The following PUM3 variants were observed in gnomAD, a reference collection of about 807,000 sequenced individuals.
PUM3 encodes the protein pumilio RNA binding family member 3.
Under a neutral mutation model 84.0 loss-of-function variants are expected in PUM3, and 91 were observed. The observed-to-expected ratio is 1.08, with a 90% CI of 0.91 to 1.29. The LOEUF is 1.29. PUM3 is among the 50% of genes most tolerant of loss of function. The pLI is 0.00. For missense variants in PUM3, 1,067 were observed against 767.5 expected, an observed-to-expected ratio of 1.39 and a Z score of -4.61; for synonymous variants, 321 against 266.7, an observed-to-expected ratio of 1.20 and a Z score of -1.98.
intron 15 of PUM3, among the ~76,000 whole-genome samples, chr9:2,810,684 C>T (rs1320664480): frequency 6.6e-6 from 1 of 152,222 alleles, no homozygotes; most frequent in Non-Finnish European, 1.5e-5. Context: ...GTCTCCGCTT[C>T]ATTTAATCTG....
chr9:2,843,569 CCTT>C (rs1481677024), intron 1 of PUM3, among the ~76,000 whole-genome samples: 7 of 148,838 alleles, frequency 4.7e-5, no homozygotes, highest in Admixed American at 2.0e-4. Flanking sequence ...GGAGTCCCGC[CCTT>C]CTTTTTTTTT....
At chr9:2,824,190 T>A (rs1815744635) in intron 11 of PUM3, among the ~76,000 whole-genome samples, 1 of 152,170 alleles carries the variant, frequency 6.6e-6, no homozygotes, top group African/African-American at 2.4e-5. Flanking sequence ...ATTTGTTGAA[T>A]AAAATTAAAT....
chr9:2,810,648 T>G (rs930096757), intron 15 of PUM3, among the ~76,000 whole-genome samples: 2 of 152,186 alleles, frequency 1.3e-5, no homozygotes, highest in African/African-American at 2.4e-5. Context: ...TTATGCCAGA[T>G]AACACAGCCA....
chr9:2,821,240 C>A (rs1238112290), intron 12 of PUM3, among the ~76,000 whole-genome samples: 1 of 151,904 alleles, frequency 6.6e-6, no homozygotes, highest in East Asian at 1.9e-4. Flanking sequence ...GTCAGGAGAT[C>A]GAGACCATCC....
chr9:2,818,788 C>T (rs1243842772), intron 13 of PUM3, among the ~76,000 whole-genome samples: 1 of 152,166 alleles, frequency 6.6e-6, no homozygotes, highest in African/African-American at 2.4e-5. Context: ...TGGAAAATGA[C>T]AGCAAGGGCA....
chr9:2,807,695 T>G (rs1329815965), intron 17 of PUM3, 119 bp downstream of exon 17: 1 of 627,932 alleles, frequency 1.6e-6, no homozygotes, highest in African/African-American at 1.9e-5. Context: ...AGACCATGAG[T>G]GACTGGGAGT....
chr9:2,809,800 G>A (rs1484530341), intron 16 of PUM3, among the ~76,000 whole-genome samples: 4 of 152,190 alleles, frequency 2.6e-5, no homozygotes, highest in African/African-American at 9.6e-5. Flanking sequence ...CAGAGCAGCT[G>A]TAAGGCTTAC....
chr9:2,828,738 T>C lies in PUM3; in HGVS notation c.893A>G (p.Gln298Arg), dbSNP rs537493626. ...CATAATAAGTTCTAATTTTTCTGGCTGTACCTCTAACACTTTGTCCAGAGT... is the reference window on the plus strand; with the variant it reads ...CATAATAAGTTCTAATTTTTCTGGCCGTACCTCTAACACTTTGTCCAGAGT... ...HRTLDKVLEV[Q>R]PEKLELIMDE... is the part of the protein sequence containing the mutation. The change falls in exon 9 of 18, where the codon CAG (glutamine) becomes CGG (arginine). Residue 298 changes from glutamine to arginine, a missense_variant. Coordinates refer to ENST00000397885, the MANE Select transcript of PUM3 (RefSeq NM_014878.5). The C allele has an allele frequency of 9.4e-5, 151 of 1,609,410 alleles. 1 individual carries two copies. The South Asian group carries it at 1.6e-3, about 17-fold the overall frequency.
At chr9:2,843,779 C>A (rs921670062) in intron 1 of PUM3, among the ~76,000 whole-genome samples, 7 of 151,806 alleles carry the variant, frequency 4.6e-5, no homozygotes, top group Non-Finnish European at 1.5e-5. Context: ...GGGGTTTCAC[C>A]GTGTTAGCCA....
chr9:2,822,016 G>A (rs755695734), intron 12 of PUM3, among the ~76,000 whole-genome samples: 6 of 152,096 alleles, frequency 3.9e-5, no homozygotes, highest in Non-Finnish European at 5.9e-5. Flanking sequence ...ATAGAACAAC[G>A]TGCCTAGTAC....
At chr9:2,822,831 A>AGATTATAAAAAATAT (rs1364907467) in intron 12 of PUM3, among the ~76,000 whole-genome samples, 1 of 150,620 alleles carries the variant, frequency 6.6e-6, no homozygotes, top group East Asian at 1.9e-4. Flanking sequence ...AAAAAATATG[A>AGATTATAAAAAATAT]GAATTCCATA....
At chr9:2,824,908 G>C (rs1815769190) in intron 10 of PUM3, 93 bp from the exon 11 acceptor site, 2 of 754,700 alleles carry the variant, frequency 2.7e-6, no homozygotes, top group Middle Eastern at 2.5e-4. Flanking sequence ...GTTATGCAGA[G>C]AGAAGGAAAG....
rs1229043035 is a variant in PUM3, at chr9:2,838,416, C to A, written c.82+10G>T. On this transcript the variant is annotated intron_variant, in intron 2 of 17. Coordinates refer to ENST00000397885, the MANE Select transcript of PUM3 (RefSeq NM_014878.5). ...AACAGCCAAACACCCACATGGGAAG[C>A]ATATCTTACCACTATTTTTATGAAA... The A allele has an allele frequency of 5.7e-6, 9 of 1,576,690 alleles. No individual in the cohort carries two copies. The South Asian group carries it at 8.9e-5, about 16-fold the overall frequency.
At chr9:2,835,637 C>T (rs772607273) in intron 3 of PUM3, among the ~76,000 whole-genome samples, 16 of 152,056 alleles carry the variant, frequency 1.1e-4, no homozygotes, top group Non-Finnish European at 2.2e-4. Context: ...AATATGGTAT[C>T]CTCTACTATA....
rs61273479 is a variant in PUM3, at chr9:2,812,127, G to C, written c.1412+93C>G. On this transcript the variant is annotated intron_variant, in intron 14 of 17. Transcript: ENST00000397885. ...AATTCACCTTTTCAGCAGTTTTAGA[G>C]AGGGTATGGATGGGTAAGTGGACTT... is the stretch of plus-strand genomic sequence containing the variant. The C allele has an allele frequency of 2.3e-3, 2,348 of 1,020,508 alleles. 33 individuals are homozygous for C. In the African/African-American group the frequency reaches 0.034, roughly 15 times the overall value. 63.2% of individuals were successfully genotyped at this position (1,020,508 alleles called of 1,614,324 possible). A position where few individuals can be genotyped will look rare whatever the true frequency, so the allele number is the denominator to read the frequency against.
At chr9:2,812,436 C>T (rs759508894) in intron 13 of PUM3, 74 bp from the exon 14 acceptor site, 11 of 1,016,490 alleles carry the variant, frequency 1.1e-5, no homozygotes, top group Non-Finnish European at 1.4e-5. Flanking sequence ...ACCTTTCTTC[C>T]ATATTTGCCA....
intron 1 of PUM3, among the ~76,000 whole-genome samples, chr9:2,843,283 T>C (rs1816316099): frequency 6.6e-6 from 1 of 152,140 alleles, no homozygotes; most frequent in Non-Finnish European, 1.5e-5. Flanking sequence ...CTCAGGAACT[T>C]AGCCCATTAT....
At chr9:2,835,198 A>G (rs1463086111) in intron 3 of PUM3, among the ~76,000 whole-genome samples, 1 of 152,184 alleles carries the variant, frequency 6.6e-6, no homozygotes, top group African/African-American at 2.4e-5. Context: ...GAATCATTTG[A>G]GGCCAGGAGT....
chr9:2,838,631 T>C, intron 1 of PUM3, 114 bp from the exon 2 acceptor site: 2 of 662,590 alleles, frequency 3.0e-6, no homozygotes, highest in Non-Finnish European at 5.4e-6. Flanking sequence ...ACAATACAAA[T>C]CAGCCAGATA....
Sources: gnomAD v4.1 joint callset for allele counts (sites outside exome capture counted in the v4.1 genomes callset) on GRCh38, gnomAD v4.1.1 for gene constraint, MANE v1.5 for transcripts, NCBI Gene and HGNC (gene_info 2026-07-23, HGNC 2026-07-21) for gene names.